The following MIOS variants were observed in gnomAD, a reference collection of about 807,000 sequenced individuals.
The protein encoded by MIOS is GATOR2 complex protein MIOS.
Under a neutral mutation model 96.9 loss-of-function variants are expected in MIOS, and 52 were observed. The ratio of observed to expected loss-of-function variants is 0.54; its 90% CI spans 0.43 to 0.68. MIOS has a LOEUF of 0.68. Among genes scored for constraint, MIOS ranks in the 30% least tolerant of loss-of-function variants. The pLI is 0.00. For missense variants in MIOS, 1,005 were observed against 1,052.8 expected (o/e 0.95, Z 0.63); for synonymous variants, 397 against 359.5 (o/e 1.10, Z -1.18).
chr7:7,589,669 G>T, intron 9 of MIOS, 106 bp downstream of exon 9: 1 of 1,279,178 alleles, frequency 7.8e-7, no homozygotes. Flanking sequence ...ATCTTTAGAA[G>T]GCATTTAGTT....
In MIOS at chr7:7,583,207, C is replaced by T. The variant is rs755463601; in HGVS notation, c.1483C>T (p.Gln495Ter). Residue 495 changes from glutamine (Q) to a stop codon, truncating the protein, a stop_gained, in exon 6 of 13, where the codon CAG becomes TAG. Coordinates refer to ENST00000340080, the MANE Select transcript of MIOS (RefSeq NM_019005.4). LOFTEE classifies it high-confidence loss of function. ...NLNEERILAL[Q>*]LCGWIKKGTD... ...AAATGAAGAGAGAATCTTAGCTTTACAGCTTTGTGGGTGGATAAAGAAAGG... is the reference window on the plus strand; with the variant it reads ...AAATGAAGAGAGAATCTTAGCTTTATAGCTTTGTGGGTGGATAAAGAAAGG... 6.2e-7 allele frequency: 1 copy of T among 1,614,104 alleles called. No homozygotes were observed. Among genetic ancestry groups the T allele is most frequent in the African/African-American group, 1.3e-5 (1 of 75,026 alleles).
intron 11 of MIOS, among the ~76,000 whole-genome samples, chr7:7,604,120 C>T (rs930918716): frequency 1.2e-4 from 18 of 151,902 alleles, no homozygotes; most frequent in East Asian, 7.7e-4. Context: ...TGCTAAATGA[C>T]GAGTTAATGG....
chr7:7,602,776 A>T (rs926614470), intron 11 of MIOS, among the ~76,000 whole-genome samples: 1 of 152,092 alleles, frequency 6.6e-6, no homozygotes, highest in Non-Finnish European at 1.5e-5. Flanking sequence ...ATCCCAAGCC[A>T]AAAGAACAAA....
intron 11 of MIOS, among the ~76,000 whole-genome samples, chr7:7,597,504 ATATATATATATAT>A (rs1404874916): frequency 2.2e-4 from 16 of 72,904 alleles, no homozygotes; most frequent in African/African-American, 8.2e-4. Context: ...ATATATATAT[ATATATATATATAT>A]GAAGGCAATA....
intron 3 of MIOS, among the ~76,000 whole-genome samples, chr7:7,569,131 G>T (rs902511888): frequency 6.6e-6 from 1 of 152,162 alleles, no homozygotes; most frequent in Admixed American, 6.5e-5. Flanking sequence ...CAGATCTCAT[G>T]ATGTCTCCAA....
At chr7:7,580,529 C>G (rs1265079442) in intron 5 of MIOS, among the ~76,000 whole-genome samples, 1 of 152,060 alleles carries the variant, frequency 6.6e-6, no homozygotes, top group Non-Finnish European at 1.5e-5. Flanking sequence ...AATAACACAT[C>G]TTGAAACTTT....
chr7:7,604,489 A>G (rs950213996), intron 11 of MIOS, among the ~76,000 whole-genome samples: 2 of 152,148 alleles, frequency 1.3e-5, no homozygotes, highest in African/African-American at 2.4e-5. Flanking sequence ...TCCAAGTGCT[A>G]GAAATGTTAC....
chr7:7,598,810 A>G (rs1224380935), intron 11 of MIOS, among the ~76,000 whole-genome samples: 3 of 152,174 alleles, frequency 2.0e-5, no homozygotes, highest in South Asian at 2.1e-4. Context: ...TTGAAGAAAA[A>G]TCTTAAAACA....
At chr7:7,583,515 G>C in intron 6 of MIOS, 143 bp downstream of exon 6, 1 of 944,730 alleles carries the variant, frequency 1.1e-6, no homozygotes, top group East Asian at 2.7e-5. Context: ...AGAAAACACA[G>C]CAGTATATCT....
rs1295280756 is a variant in MIOS, at chr7:7,573,635, A to T, written c.1160A>T (p.Glu387Val). Reference protein sequence around the residue: ...CTEEENDNSLEKDIATKMRLR... With the variant: ...CTEEENDNSLVKDIATKMRLR... ...GAAGAAGAAAATGATAATTCTTTAG[A>T]AAAAGATATAGCAACGAAGATGCGT... Residue 387 changes from glutamate to valine, a missense_variant, in exon 4 of 13, where the codon GAA (glutamate) becomes GTA (valine). Physicochemically the swap from Glu to Val is moderately radical, Grantham distance 121. Coordinates refer to ENST00000340080, the MANE Select transcript of MIOS (RefSeq NM_019005.4). This position sits in a 1 kb window ranked among gnomAD's most constrained non-coding sequence, Gnocchi z 5.0. 1.9e-6 allele frequency: 3 copies of T among 1,614,056 alleles called. No homozygotes were observed. In the South Asian group the frequency reaches 3.3e-5, roughly 18 times the overall value.
At chr7:7,593,307 T>TA (rs1784102628) in intron 9 of MIOS, among the ~76,000 whole-genome samples, 1 of 152,222 alleles carries the variant, frequency 6.6e-6, no homozygotes, top group Non-Finnish European at 1.5e-5. Context: ...TAGCTAAATT[T>TA]AACTCTGGTA....
chr7:7,590,583 C>T (rs1784019195), intron 9 of MIOS, among the ~76,000 whole-genome samples: 1 of 152,260 alleles, frequency 6.6e-6, no homozygotes, highest in Non-Finnish European at 1.5e-5. Flanking sequence ...ATGGTTAAGT[C>T]TACCATCTTG....
intron 11 of MIOS, among the ~76,000 whole-genome samples, chr7:7,600,568 A>G (rs1358096145): frequency 1.3e-5 from 2 of 152,208 alleles, no homozygotes; most frequent in Admixed American, 6.5e-5. Flanking sequence ...TTCATAAAGC[A>G]AGTCCTTAGT....
intron 10 of MIOS, among the ~76,000 whole-genome samples, chr7:7,595,453 A>G (rs1270828509): frequency 6.6e-6 from 1 of 152,130 alleles, no homozygotes; most frequent in Admixed American, 6.5e-5. Flanking sequence ...AGCATTATTT[A>G]TGTGCAGTAA....
At chr7:7,603,760 C>T (rs1469971721) in intron 11 of MIOS, among the ~76,000 whole-genome samples, 1 of 152,080 alleles carries the variant, frequency 6.6e-6, no homozygotes, top group African/African-American at 2.4e-5. Flanking sequence ...GACACATGCA[C>T]ACGTATGTTT....
At chr7:7,596,537 A>G in intron 11 of MIOS, 76 bp downstream of exon 11, 1 of 1,357,798 alleles carries the variant, frequency 7.4e-7, no homozygotes, top group Non-Finnish European at 1.0e-6. Flanking sequence ...TGCAAATAAA[A>G]TACAAACTAG....
chr7:7,585,721 A>G lies in MIOS; in HGVS notation c.1734A>G (p.Thr578=). The change falls in exon 7 of 13, where the codon ACA becomes ACG. Residue 578 remains threonine (T), a synonymous_variant. Transcript: ENST00000340080. ...CCCTTTGGAGAGAAATGTGTAGCAC[A>G]CTGCGATTACAGCTAAATAACCCGT... ...KNSLWREMCS[T]LRLQLNNPYL... is the part of the protein sequence containing the mutation. 1.2e-6 allele frequency: 2 copies of G among 1,612,906 alleles called. No individual in the cohort carries two copies. Among genetic ancestry groups the G allele is most frequent in the Non-Finnish European group, 1.7e-6 (2 of 1,179,416 alleles).
Position 7,573,549 on chromosome 7 carries a change from T to C in MIOS, c.1074T>C (p.Leu358=), listed in dbSNP as rs749280990. 5.0e-6 allele frequency: 8 copies of C among 1,614,004 alleles called. No homozygotes were observed. The South Asian group carries it at 8.8e-5, about 18-fold the overall frequency. ...TCACTGTTTTTGAAAGGATATCTCT[T>C]GCCTGGAGCCCAATTACATCTTTAA... ...SDFTVFERIS[L]AWSPITSLMW... is the part of the protein sequence containing the mutation. The change falls in exon 4 of 13, where the codon CTT becomes CTC. Residue 358 remains leucine, a synonymous_variant. Transcript: ENST00000340080. This position sits in a 1 kb window ranked among gnomAD's most constrained non-coding sequence, Gnocchi z 5.0.
intron 6 of MIOS, among the ~76,000 whole-genome samples, chr7:7,585,419 T>C (rs770916521): frequency 0.082 from 11,884 of 144,928 alleles, 536 homozygotes; most frequent in Middle Eastern, 0.19. Flanking sequence ...CCCCCCCCTT[T>C]TTTTTTTTTT....
Sources: allele counts gnomAD v4.1 joint callset (sites outside exome capture counted in the v4.1 genomes callset), GRCh38; gene constraint gnomAD v4.1.1; non-coding constraint Gnocchi (gnomAD v3.1); transcripts MANE v1.5; gene names NCBI Gene and HGNC (gene_info 2026-07-23, HGNC 2026-07-21).